HCN1: variants seen among roughly 807,000 people sequenced by gnomAD.
The protein encoded by HCN1 is potassium/sodium hyperpolarization-activated cyclic nucleotide-gated channel 1.
Under a neutral mutation model 78.9 loss-of-function variants are expected in HCN1, and 13 were observed. That is an observed-to-expected ratio of 0.16 (90% confidence interval 0.11 to 0.26). The LOEUF (loss-of-function observed/expected upper bound fraction) is 0.26, where lower values mean the gene tolerates loss of function less well. Among genes scored for constraint, HCN1 ranks in the 10% least tolerant of loss-of-function variants. The pLI, the probability that HCN1 is intolerant of heterozygous loss-of-function variation, is 1.00. For synonymous variants in HCN1, 552 were observed against 455.5 expected (o/e 1.21, Z -2.70); for missense variants, 810 against 1,154.3 (o/e 0.70, Z 4.32).
At chr5:45,347,257 G>C (rs886760115) in intron 5 of HCN1, among the ~76,000 whole-genome samples, 1 of 152,142 alleles carries the variant, frequency 6.6e-6, no homozygotes, top group Non-Finnish European at 1.5e-5. Flanking sequence ...AGGCAAACAA[G>C]GTCTGGAATG....
intron 1 of HCN1, among the ~76,000 whole-genome samples, chr5:45,694,715 G>C (rs1039783190): frequency 6.6e-6 from 1 of 152,108 alleles, no homozygotes; most frequent in Admixed American, 6.5e-5. Flanking sequence ...TAAGATAATC[G>C]TGCACACGCT....
chr5:45,475,216 CAT>C (rs1741488529), intron 2 of HCN1, among the ~76,000 whole-genome samples: 1 of 152,054 alleles, frequency 6.6e-6, no homozygotes, highest in South Asian at 2.1e-4. Context: ...GTTATTGTCA[CAT>C]GTTCTACAAT....
At chr5:45,353,074 T>C (rs761360241) in intron 5 of HCN1, 26 bp downstream of exon 5, 3 of 1,568,594 alleles carry the variant, frequency 1.9e-6, no homozygotes, top group Non-Finnish European at 2.6e-6. Context: ...TTATGTATTA[T>C]GCATACTGAG....
chr5:45,298,940 A>G (rs778750551), intron 6 of HCN1, among the ~76,000 whole-genome samples: 9 of 152,044 alleles, frequency 5.9e-5, no homozygotes, highest in Admixed American at 1.3e-4. Flanking sequence ...TGTGATGAGA[A>G]TGGTACTTTA....
intron 2 of HCN1, among the ~76,000 whole-genome samples, chr5:45,578,281 A>G (rs1331240523): frequency 6.6e-6 from 1 of 152,054 alleles, no homozygotes; most frequent in Non-Finnish European, 1.5e-5. Flanking sequence ...TGTCAACACC[A>G]GGCTGGAAAC....
chr5:45,593,471 G>GTGAAGC (rs1744427167), intron 2 of HCN1, among the ~76,000 whole-genome samples: 1 of 151,850 alleles, frequency 6.6e-6, no homozygotes, highest in Non-Finnish European at 1.5e-5. Context: ...TAGCAAGACA[G>GTGAAGC]TGAAGCTGGT....
intron 2 of HCN1, chr5:45,575,122 A>G (rs2111909502): frequency 6.6e-6 from 1 of 152,298 alleles, no homozygotes. Context: ...CATATTTTCA[A>G]TGTAGACCAA....
chr5:45,376,636 A>C (rs1208123749), intron 4 of HCN1, among the ~76,000 whole-genome samples: 2 of 151,884 alleles, frequency 1.3e-5, no homozygotes, highest in Non-Finnish European at 2.9e-5. Context: ...TAATAGTCCC[A>C]ACTATTCCAT....
At chr5:45,300,722 C>T (rs187971455) in intron 6 of HCN1, among the ~76,000 whole-genome samples, 221 of 152,214 alleles carry the variant, frequency 1.5e-3, no homozygotes, top group African/African-American at 4.0e-3. Flanking sequence ...CCACATTGTT[C>T]AAGATCAACT....
chr5:45,428,908 G>A (rs1740408720), intron 3 of HCN1, among the ~76,000 whole-genome samples: 1 of 151,982 alleles, frequency 6.6e-6, no homozygotes, highest in Non-Finnish European at 1.5e-5. Flanking sequence ...AGTGCATAAG[G>A]AAGTCAATAA....
At chr5:45,375,785 T>TC in intron 4 of HCN1, among the ~76,000 whole-genome samples, 2 of 100,978 alleles carry the variant, frequency 2.0e-5, no homozygotes, top group African/African-American at 8.0e-5. Context: ...ATATATAATA[T>TC]AATATTTTAT....
At chr5:45,630,085 C>T (rs1020702900) in intron 2 of HCN1, among the ~76,000 whole-genome samples, 1 of 152,110 alleles carries the variant, frequency 6.6e-6, no homozygotes, top group Non-Finnish European at 1.5e-5. Flanking sequence ...TTTCTAAGCA[C>T]CTTGTGAGCT....
chr5:45,416,480 T>C (rs1456688375), intron 3 of HCN1, among the ~76,000 whole-genome samples: 1 of 152,054 alleles, frequency 6.6e-6, no homozygotes, highest in Non-Finnish European at 1.5e-5. Context: ...CAGAAATTGC[T>C]TTTGGTTTCC....
At chr5:45,356,110 T>C (rs1021586002) in intron 4 of HCN1, among the ~76,000 whole-genome samples, 3 of 152,028 alleles carry the variant, frequency 2.0e-5, no homozygotes, top group Non-Finnish European at 4.4e-5. Flanking sequence ...ACAAACTAGA[T>C]GTTACAAGTA....
chr5:45,657,880 G>GA (rs1254424292), intron 1 of HCN1, among the ~76,000 whole-genome samples: 4 of 152,078 alleles, frequency 2.6e-5, no homozygotes, highest in South Asian at 4.1e-4. Context: ...CACAGAATTG[G>GA]AAAAAACTAC....
At chr5:45,432,118 T>G (rs1740475420) in intron 3 of HCN1, among the ~76,000 whole-genome samples, 2 of 152,154 alleles carry the variant, frequency 1.3e-5, no homozygotes, top group Non-Finnish European at 2.9e-5. Flanking sequence ...CTTTGAGCAG[T>G]GTCTGGCAGT....
chr5:45,412,674 T>C (rs186560637), intron 3 of HCN1, among the ~76,000 whole-genome samples: 4 of 152,214 alleles, frequency 2.6e-5, no homozygotes, highest in Admixed American at 2.0e-4. Context: ...ATGTTGCATT[T>C]AAGTCAGTAT....
intron 3 of HCN1, among the ~76,000 whole-genome samples, chr5:45,450,332 T>C (rs2111595856): frequency 6.6e-6 from 1 of 152,352 alleles, no homozygotes; most frequent in East Asian, 1.9e-4. Flanking sequence ...CAGTATATGA[T>C]TTCTATATTC....
intron 4 of HCN1, among the ~76,000 whole-genome samples, chr5:45,374,951 T>C (rs1284531068): frequency 2.1e-5 from 3 of 142,978 alleles, no homozygotes; most frequent in Admixed American, 7.6e-5. Flanking sequence ...AACTATACTA[T>C]AGTTTGTCGA....
Sources: gnomAD v4.1 joint callset for allele counts (sites outside exome capture counted in the v4.1 genomes callset) on GRCh38, gnomAD v4.1.1 for gene constraint, MANE v1.5 for transcripts, NCBI Gene and HGNC (gene_info 2026-07-23, HGNC 2026-07-21) for gene names.